Variants in TONSL observed in about 807,000 individuals in gnomAD.
TONSL encodes the protein tonsoku like, DNA repair protein.
In TONSL, 112 loss-of-function variants were observed where a neutral mutation model predicts 147.1. The ratio of observed to expected loss-of-function variants is 0.76; its 90% CI spans 0.65 to 0.89. The LOEUF (loss-of-function observed/expected upper bound fraction) is 0.89, where lower values mean the gene tolerates loss of function less well. Among genes scored for constraint, TONSL ranks in the 40% least tolerant of loss-of-function variants. TONSL has a pLI of 0.00. For missense variants in TONSL, 1,883 were observed against 1,864.6 expected (o/e 1.01, Z -0.18); for synonymous variants, 868 against 801.5 (o/e 1.08, Z -1.40).
chr8:144,440,049 C>T lies in TONSL; in HGVS notation c.1452G>A (p.Glu484=). Residue 484 remains glutamate (E), a synonymous_variant, in exon 11 of 26, where the codon GAG becomes GAA. Coordinates refer to ENST00000409379, the MANE Select transcript of TONSL (RefSeq NM_013432.5). The stretch of plus-strand genomic sequence containing the variant: ...CCTCTGAGAGCTCCACCTCGCCGGC[C>T]TCCAGGGCTTCGCTCTCCGCTGTGG... ...AAATAESEAL[E]AGEVELSEGE... is the part of the protein sequence containing the mutation. The T allele has an allele frequency of 6.7e-7, 1 of 1,500,936 alleles. No individual in the cohort carries two copies. 93.0% of individuals were successfully genotyped at this position (1,500,936 alleles called of 1,614,324 possible).
chr8:144,436,503 C>T (rs1421212629), intron 16 of TONSL, 55 bp downstream of exon 16: 24 of 1,583,442 alleles, frequency 1.5e-5, no homozygotes, highest in Middle Eastern at 1.7e-4. Flanking sequence ...AATCAGGGCC[C>T]GGGGACTCTC....
intron 21 of TONSL, 56 bp downstream of exon 21, chr8:144,433,922 A>G: frequency 6.6e-7 from 1 of 1,505,872 alleles, no homozygotes; most frequent in Non-Finnish European, 8.9e-7. Context: ...AGGGACCTGC[A>G]GAATGGGAAC....
chr8:144,444,117 CCCCGATCCCGG>C, intron 2 of TONSL, 52 bp downstream of exon 2: 1 of 1,305,850 alleles, frequency 7.7e-7, no homozygotes, highest in East Asian at 3.2e-5. Flanking sequence ...GCCCCCCGGC[CCCCGATCCCGG>C]CCCGGGCCCG....
At chr8:144,442,530 C>G (rs1425265042) in intron 5 of TONSL, 118 bp from the exon 6 acceptor site, 1 of 1,480,262 alleles carries the variant, frequency 6.8e-7, no homozygotes, top group Non-Finnish European at 9.0e-7. Flanking sequence ...CTGGCCTTCT[C>G]CCAGTGTGTG....
At chr8:144,441,741 T>C in intron 7 of TONSL, 1 of 376,320 alleles carries the variant, frequency 2.7e-6, no homozygotes, top group Non-Finnish European at 4.9e-6. Flanking sequence ...GTACAACTAC[T>C]GTCTCCAGTT....
intron 24 of TONSL, 30 bp downstream of exon 24, chr8:144,431,048 G>C (rs1232480274): frequency 8.1e-6 from 13 of 1,613,262 alleles, no homozygotes; most frequent in African/African-American, 1.3e-5. Context: ...CAGACCCCCA[G>C]GTCAGCAGGC....
chr8:144,431,809 A>C (rs11776445), intron 23 of TONSL, among the ~76,000 whole-genome samples: 1 of 148,622 alleles, frequency 6.7e-6, no homozygotes, highest in Admixed American at 6.7e-5. Context: ...TACCACGCCC[A>C]GCCTGTTTTT....
chr8:144,438,708 T>C lies in TONSL; in HGVS notation c.1508A>G (p.Gln503Arg). The C allele has an allele frequency of 6.2e-7, 1 of 1,613,222 alleles. No individual in the cohort carries two copies. The highest frequency in any genetic ancestry group is 8.5e-7 in the Non-Finnish European group (1 of 1,179,932). The change falls in exon 12 of 26, where the codon CAG becomes CGG. Residue 503 changes from glutamine (Q) to arginine (R), a missense_variant. Gln to Arg is a conservative substitution (Grantham distance 43). Coordinates refer to ENST00000409379, the MANE Select transcript of TONSL (RefSeq NM_013432.5). ...CTGAAGCTCCTCGTCCTCCTCCAGC[T>C]GCGGGGTCAGGCCATCGGTGTCGTC... ...GEDDTDGLTP[Q>R]LEEDEELQGH...
chr8:144,433,335 C>T, intron 22 of TONSL: 1 of 394,064 alleles, frequency 2.5e-6, no homozygotes, highest in Non-Finnish European at 4.6e-6. Flanking sequence ...CTTGGCCTCC[C>T]AAAGTGCTGG....
intron 3 of TONSL, 67 bp downstream of exon 3, chr8:144,443,815 C>T (rs1056945290): frequency 2.0e-6 from 3 of 1,528,998 alleles, no homozygotes; most frequent in African/African-American, 1.4e-5. Context: ...GAAGACCAGG[C>T]CTCCCTCCTC....
chr8:144,435,328 C>T (rs1823396336), intron 18 of TONSL, 146 bp downstream of exon 18: 22 of 1,235,296 alleles, frequency 1.8e-5, no homozygotes, highest in Non-Finnish European at 2.4e-5. Context: ...ACACCACCAG[C>T]CCCTCTGCTA....
chr8:144,438,460 G>A lies in TONSL; in HGVS notation c.1653+11C>T. Reference sequence around the variant, plus strand: ...TAGGCAGCCTGTCCCACGTCCCAGAGCGGGGCCCACCTGCCTCACAAGGTC... The same window carrying A: ...TAGGCAGCCTGTCCCACGTCCCAGAACGGGGCCCACCTGCCTCACAAGGTC... On this transcript the variant is annotated intron_variant, in intron 13 of 25. Transcript: ENST00000409379. 7 of 1,611,604 alleles carry A rather than the reference G, an allele frequency of 4.3e-6. No homozygotes were observed. The highest frequency in any genetic ancestry group is 5.9e-6 in the Non-Finnish European group (7 of 1,179,448).
Position 144,434,288 on chromosome 8 carries a change from G to C in TONSL, c.3086-9C>G. The stretch of plus-strand genomic sequence containing the variant: ...CACCTGTTGGTGCTCCCCTGCGGGA[G>C]GGATGTGATGTCACCAGGGTAAGGC... On this transcript the variant is annotated splice_polypyrimidine_tract_variant and intron_variant, in intron 20 of 25. Transcript: ENST00000409379. The C allele has an allele frequency of 6.7e-7, 1 of 1,502,108 alleles. No homozygotes were observed. The highest frequency in any genetic ancestry group is 8.9e-7 in the Non-Finnish European group (1 of 1,125,974). The allele number at this position is 1,502,108 out of a possible 1,614,324, so 93.0% of individuals were successfully genotyped here. A position where few individuals can be genotyped will look rare whatever the true frequency, so the allele number is the denominator to read the frequency against.
intron 18 of TONSL, 36 bp from the exon 19 acceptor site, chr8:144,435,206 C>T (rs1823391672): frequency 6.8e-7 from 1 of 1,466,928 alleles, no homozygotes; most frequent in Non-Finnish European, 9.0e-7. Flanking sequence ...GCTGCCTGCA[C>T]ACAGCCGGGG....
chr8:144,431,137 T>G lies in TONSL; in HGVS notation c.3750A>C (p.Leu1250=). 6.2e-7 allele frequency: 1 copy of G among 1,614,070 alleles called. No individual in the cohort carries two copies. The highest frequency in any genetic ancestry group is 8.5e-7 in the Non-Finnish European group (1 of 1,179,974). The part of the protein sequence containing the change: ...FRYLAKEGCA[L]AHLTLSANHL... Reference sequence around the variant, plus strand: ...GGTTTGCAGACAGGGTCAGGTGGGCTAGAGCACAGCCTTCCTGGACATGAG... The same window carrying G: ...GGTTTGCAGACAGGGTCAGGTGGGCGAGAGCACAGCCTTCCTGGACATGAG... The change falls in exon 24 of 26, where the codon CTA becomes CTC. Residue 1250 remains leucine, a synonymous_variant. Coordinates refer to ENST00000409379, the MANE Select transcript of TONSL (RefSeq NM_013432.5).
At chr8:144,431,734 T>C (rs1267380784) in intron 23 of TONSL, among the ~76,000 whole-genome samples, 5 of 151,904 alleles carry the variant, frequency 3.3e-5, no homozygotes, top group African/African-American at 1.2e-4. Flanking sequence ...AGGATGGTCT[T>C]GATCTCCTGA....
rs900631936 is a variant in TONSL at position 144,443,901 on chromosome 8, T to A, written c.245A>T (p.Asp82Val). Residue 82 changes from aspartate (D) to valine (V), a missense_variant, in exon 3 of 26, where the codon GAC becomes GTC. Physicochemically the swap from Asp to Val is radical, Grantham distance 152. Coordinates refer to ENST00000409379, the MANE Select transcript of TONSL (RefSeq NM_013432.5). ...CCGCACCTGCAAGGCAGCCGGGTAG[T>A]CCTCCATCTCGGCCAGGCGCTCTCC... ...KIGERLAEME[D>V]YPAALQHQHQ... 1 of 1,545,382 alleles carries A rather than the reference T, an allele frequency of 6.5e-7. No individual in the cohort carries two copies. Among genetic ancestry groups the A allele is most frequent in the African/African-American group, 1.4e-5 (1 of 73,016 alleles).
chr8:144,431,696 G>A (rs1178311121), intron 23 of TONSL, among the ~76,000 whole-genome samples: 4 of 151,570 alleles, frequency 2.6e-5, no homozygotes, highest in African/African-American at 9.7e-5. Context: ...GTATTTTTTA[G>A]TAGAGATGGT....
At position 144,440,442 on chromosome 8, in the gene TONSL, C is replaced by T. The variant is rs200649700; in HGVS notation, c.1199G>A (p.Arg400His). ...AKTWLNIALS[R>H]EEAGDAYELL... ...CTCGTAGGCATCGCCGGCCTCCTCG[C>T]GGGACAGTGCAATGTTCAGCCAGGT... Residue 400 changes from arginine to histidine, a missense_variant, in exon 10 of 26, where the codon CGC becomes CAC. Physicochemically the swap from Arg to His is conservative, Grantham distance 29. Coordinates refer to ENST00000409379, the MANE Select transcript of TONSL (RefSeq NM_013432.5). The T allele has an allele frequency of 1.6e-4, 262 of 1,607,506 alleles. No individual in the cohort carries two copies. The highest frequency in any genetic ancestry group is 2.1e-4 in the African/African-American group (16 of 74,788).
Sources: allele counts gnomAD v4.1 joint callset (sites outside exome capture counted in the v4.1 genomes callset), GRCh38; gene constraint gnomAD v4.1.1; transcripts MANE v1.5; gene names NCBI Gene and HGNC (gene_info 2026-07-23, HGNC 2026-07-21).